CNTN5: variants seen among roughly 807,000 people sequenced by gnomAD.
CNTN5 encodes contactin-5.
CNTN5 carries 77 observed loss-of-function variants against 129.1 expected under a neutral mutation model. The observed-to-expected ratio is 0.60, with a 90% CI of 0.50 to 0.72. The LOEUF is 0.72. Among genes scored for constraint, CNTN5 ranks in the 30% least tolerant of loss-of-function variants. CNTN5 has a pLI of 0.00. For synonymous variants in CNTN5, 509 were observed against 465.6 expected, an observed-to-expected ratio of 1.09 and a Z score of -1.20; for missense variants, 1,478 against 1,328.8, an observed-to-expected ratio of 1.11 and a Z score of -1.75.
intron 18 of CNTN5, among the ~76,000 whole-genome samples, chr11:100,281,380 T>C (rs1950635107): frequency 6.6e-6 from 1 of 152,124 alleles, no homozygotes; most frequent in Non-Finnish European, 1.5e-5. Context: ...GTAAAAGTTT[T>C]TTTTCATTAG....
intron 1 of CNTN5, among the ~76,000 whole-genome samples, chr11:99,196,815 A>T (rs1046416546): frequency 6.6e-6 from 1 of 152,030 alleles, no homozygotes; most frequent in Admixed American, 6.6e-5. Flanking sequence ...CTTAATATGA[A>T]GATTAAATTA....
At chr11:99,892,671 G>A (rs539493332) in intron 6 of CNTN5, among the ~76,000 whole-genome samples, 20 of 152,174 alleles carry the variant, frequency 1.3e-4, no homozygotes, top group South Asian at 6.2e-4. Context: ...CCTCTGTTCC[G>A]TTCCATTGGT....
At position 100,357,766 on chromosome 11, in the gene CNTN5, C is replaced by T. The variant is rs901566190; in HGVS notation, c.*1546C>T. The stretch of plus-strand genomic sequence containing the variant: ...CAAATTGCTAGCTCTCAAGGTTAAT[C>T]CTTGTAGAATCAGAGAAGTGATTGA... On this transcript the variant is annotated 3_prime_UTR_variant, in exon 25 of 25. Transcript: ENST00000524871. 4.6e-5 allele frequency: 7 copies of T among 151,654 alleles called. No individual in the cohort carries two copies. The highest frequency in any genetic ancestry group is 8.9e-5 in the Non-Finnish European group (6 of 67,766). The allele number at this position is 151,654 out of a possible 1,614,324, so 9.4% of individuals were successfully genotyped here. A position where few individuals can be genotyped will look rare whatever the true frequency, so the allele number is the denominator to read the frequency against.
chr11:99,824,836 A>G (rs1946904482), intron 4 of CNTN5, among the ~76,000 whole-genome samples: 1 of 152,006 alleles, frequency 6.6e-6, no homozygotes, highest in South Asian at 2.1e-4. Context: ...GATTTGTGAA[A>G]CCACTCACTT....
At chr11:99,660,631 G>A (rs998243099) in intron 3 of CNTN5, among the ~76,000 whole-genome samples, 2 of 152,098 alleles carry the variant, frequency 1.3e-5, no homozygotes, top group African/African-American at 4.8e-5. Context: ...ATTTTTGGTA[G>A]AGCCAGCATG....
chr11:99,837,523 CT>C (rs978135955), intron 4 of CNTN5, among the ~76,000 whole-genome samples: 3 of 151,638 alleles, frequency 2.0e-5, no homozygotes, highest in Admixed American at 1.3e-4. Flanking sequence ...TTGTGCATGA[CT>C]TTTTTTTGTA....
intron 7 of CNTN5, among the ~76,000 whole-genome samples, chr11:99,949,570 G>T (rs779609468): frequency 2.0e-5 from 3 of 152,100 alleles, no homozygotes; most frequent in Non-Finnish European, 4.4e-5. Context: ...CTTGCACACT[G>T]TTGAGTAAAC....
chr11:100,341,303 C>A, intron 23 of CNTN5, 98 bp downstream of exon 23: 1 of 821,808 alleles, frequency 1.2e-6, no homozygotes, highest in Non-Finnish European at 2.0e-6. Context: ...CATTAACCAA[C>A]CTATTTTTTC....
intron 1 of CNTN5, among the ~76,000 whole-genome samples, chr11:99,181,319 T>C (rs894695060): frequency 7.9e-5 from 12 of 152,154 alleles, no homozygotes; most frequent in African/African-American, 2.9e-4. Flanking sequence ...TGTATTGCTG[T>C]CATGTGTAAT....
chr11:100,020,922 GA>G (rs927834592), intron 9 of CNTN5, among the ~76,000 whole-genome samples: 1 of 151,668 alleles, frequency 6.6e-6, no homozygotes, highest in Non-Finnish European at 1.5e-5. Context: ...AATTGAAGAA[GA>G]AAAAAATAAA....
chr11:99,926,600 G>C (rs1035643956), intron 7 of CNTN5, among the ~76,000 whole-genome samples: 1 of 151,890 alleles, frequency 6.6e-6, no homozygotes, highest in Non-Finnish European at 1.5e-5. Flanking sequence ...GACTTTTTTG[G>C]CATCTTTAAT....
intron 1 of CNTN5, among the ~76,000 whole-genome samples, chr11:99,053,366 T>C (rs1393282253): frequency 6.6e-6 from 1 of 151,980 alleles, no homozygotes; most frequent in Non-Finnish European, 1.5e-5. Flanking sequence ...GTACATTCTT[T>C]TTCTAAATTC....
At chr11:99,630,758 T>C (rs995230733) in intron 3 of CNTN5, among the ~76,000 whole-genome samples, 1 of 152,186 alleles carries the variant, frequency 6.6e-6, no homozygotes, top group African/African-American at 2.4e-5. Context: ...TATCAAGTCC[T>C]TGACCAATCT....
chr11:99,842,297 A>G (rs1265058669), intron 4 of CNTN5, among the ~76,000 whole-genome samples: 2 of 152,210 alleles, frequency 1.3e-5, no homozygotes, highest in African/African-American at 4.8e-5. Context: ...GTTTCGTGAT[A>G]TTATGCATGA....
At chr11:99,398,385 A>C (rs1051930130) in intron 2 of CNTN5, among the ~76,000 whole-genome samples, 2 of 151,916 alleles carry the variant, frequency 1.3e-5, no homozygotes, top group Non-Finnish European at 2.9e-5. Flanking sequence ...TTTGATTTGC[A>C]TACATTAAGA....
chr11:99,599,925 A>G (rs1212766185), intron 3 of CNTN5, among the ~76,000 whole-genome samples: 1 of 152,166 alleles, frequency 6.6e-6, no homozygotes, highest in Non-Finnish European at 1.5e-5. Flanking sequence ...ATGTGGAGAA[A>G]GGAAACCAAA....
intron 2 of CNTN5, among the ~76,000 whole-genome samples, chr11:99,462,698 A>T (rs914090327): frequency 6.6e-6 from 1 of 152,134 alleles, no homozygotes; most frequent in Admixed American, 6.5e-5. Context: ...CCTGAAACCT[A>T]TACTGTAATT....
At chr11:99,787,035 A>T (rs551481205) in intron 3 of CNTN5, among the ~76,000 whole-genome samples, 4 of 152,100 alleles carry the variant, frequency 2.6e-5, no homozygotes, top group Admixed American at 2.6e-4. Flanking sequence ...GTATGTTCGG[A>T]TATGAATTTT....
intron 2 of CNTN5, among the ~76,000 whole-genome samples, chr11:99,390,092 A>G (rs962247668): frequency 6.6e-5 from 10 of 151,880 alleles, no homozygotes; most frequent in African/African-American, 2.4e-4. Context: ...TACTTAAACA[A>G]AACAAAATTC....
Sources: allele counts gnomAD v4.1 joint callset (sites outside exome capture counted in the v4.1 genomes callset), GRCh38; gene constraint gnomAD v4.1.1; transcripts MANE v1.5; gene names NCBI Gene and HGNC (gene_info 2026-07-23, HGNC 2026-07-21).